Variants in NELL1 observed in about 807,000 individuals in gnomAD.
NELL1 encodes neural EGFL like 1.
In NELL1, 76 loss-of-function variants were observed where a neutral mutation model predicts 107.4. That is an observed-to-expected ratio of 0.71 (90% CI 0.59 to 0.86). The LOEUF (loss-of-function observed/expected upper bound fraction) is 0.86, where lower values mean the gene tolerates loss of function less well. Among genes scored for constraint, NELL1 ranks in the 40% least tolerant of loss-of-function variants. NELL1 has a pLI of 0.00. For missense variants in NELL1, 1,024 were observed against 1,005.5 expected (o/e 1.02, Z -0.25); for synonymous variants, 353 against 341.2 (o/e 1.03, Z -0.38).
intron 12 of NELL1, among the ~76,000 whole-genome samples, chr11:21,072,488 T>C (rs1324528527): frequency 6.6e-6 from 1 of 152,180 alleles, no homozygotes; most frequent in Non-Finnish European, 1.5e-5. Context: ...TAAACATCAA[T>C]AGTTCATTGT....
In NELL1 at chr11:21,484,027, A is replaced by ATATG. The variant is rs1449827725; in HGVS notation, c.1646-50344_1646-50343insGTAT. Among the ~76,000 whole-genome samples the ATATG allele has an allele frequency of 3.2e-5, 4 of 123,090 alleles. No homozygotes were observed. The East Asian group carries it at 8.2e-4, about 25-fold the overall frequency. The allele number at this position is 123,090 out of a possible 152,430, so 80.8% of individuals were successfully genotyped here. ...TATATATATATATATATATATATAT[A>ATATG]TATATGTCAAATGTGACCTCATTAT... On this transcript the variant is annotated intron_variant, in intron 15 of 19. Coordinates refer to ENST00000357134, the MANE Select transcript of NELL1 (RefSeq NM_006157.5).
intron 2 of NELL1, among the ~76,000 whole-genome samples, chr11:20,736,305 G>C (rs1013299527): frequency 1.3e-5 from 2 of 152,170 alleles, no homozygotes; most frequent in Non-Finnish European, 2.9e-5. Flanking sequence ...AAGACAGTTA[G>C]AGCTTCTCCT....
intron 12 of NELL1, among the ~76,000 whole-genome samples, chr11:21,072,274 T>G (rs1854034133): frequency 6.6e-6 from 1 of 152,086 alleles, no homozygotes; most frequent in African/African-American, 2.4e-5. Context: ...TGGCCCGAAA[T>G]AGAATTGCTG....
In NELL1 at chr11:21,273,380, C is replaced by T. The variant is rs556827426; in HGVS notation, c.1549+43926C>T. Among the ~76,000 whole-genome samples, 31 of 152,252 alleles carry T rather than the reference C, an allele frequency of 2.0e-4. 1 individual carries two copies. In the South Asian group the frequency reaches 5.8e-3, roughly 28 times the overall value. On this transcript the variant is annotated intron_variant, in intron 14 of 19. Coordinates refer to ENST00000357134, the MANE Select transcript of NELL1 (RefSeq NM_006157.5). ...AAAGAATAAAAAGAAACGAACAAAG[C>T]CTCCAAGAAATATGGGACTATGTGA...
At chr11:20,825,484 A>C (rs1857861319) in intron 3 of NELL1, among the ~76,000 whole-genome samples, 2 of 151,472 alleles carry the variant, frequency 1.3e-5, no homozygotes, top group African/African-American at 4.8e-5. Context: ...CACCTCTTGC[A>C]TCTGTGTGAC....
chr11:21,192,247 T>C (rs897369068), intron 13 of NELL1, among the ~76,000 whole-genome samples: 3 of 151,900 alleles, frequency 2.0e-5, no homozygotes, highest in African/African-American at 7.3e-5. Context: ...ATCACATATT[T>C]GGCCAGGATA....
intron 2 of NELL1, among the ~76,000 whole-genome samples, chr11:20,715,322 G>A (rs1190532326): frequency 4.4e-5 from 6 of 137,564 alleles, no homozygotes; most frequent in Non-Finnish European, 7.9e-5. Flanking sequence ...TTTTTTTAAA[G>A]AATGATTTCA....
chr11:21,533,708 A>T (rs1339041461), intron 15 of NELL1, among the ~76,000 whole-genome samples: 2 of 152,224 alleles, frequency 1.3e-5, no homozygotes, highest in Non-Finnish European at 2.9e-5. Flanking sequence ...GAAGAATGAG[A>T]ATCTCTGATG....
At chr11:20,910,348 TG>T (rs1331975437) in intron 5 of NELL1, among the ~76,000 whole-genome samples, 1 of 152,180 alleles carries the variant, frequency 6.6e-6, no homozygotes, top group Non-Finnish European at 1.5e-5. Flanking sequence ...ACTTAAGGGA[TG>T]GGGAAACAGA....
chr11:21,560,603 G>A (rs1403920388), intron 17 of NELL1, among the ~76,000 whole-genome samples: 1 of 152,068 alleles, frequency 6.6e-6, no homozygotes, highest in Non-Finnish European at 1.5e-5. Flanking sequence ...GATTGAGAAG[G>A]AACTGCAGGG....
At position 20,794,059 on chromosome 11, in the gene NELL1, C is replaced by T. The variant is rs184745270; in HGVS notation, c.335+10229C>T. The stretch of plus-strand genomic sequence containing the variant: ...CAGTCTGAGAGAAGTAGGTTAATGG[C>T]TCCTATTGTAATTATGTAAGCATCG... On this transcript the variant is annotated intron_variant, in intron 3 of 19. Coordinates refer to ENST00000357134, the MANE Select transcript of NELL1 (RefSeq NM_006157.5). Among the ~76,000 whole-genome samples, 53 of 152,296 alleles carry T rather than the reference C, an allele frequency of 3.5e-4. 1 individual carries two copies. The highest frequency in any genetic ancestry group is 1.3e-3 in the African/African-American group (52 of 41,560).
At chr11:20,930,549 A>T (rs761555110) in intron 9 of NELL1, among the ~76,000 whole-genome samples, 2 of 152,178 alleles carry the variant, frequency 1.3e-5, no homozygotes, top group Non-Finnish European at 2.9e-5. Flanking sequence ...TGTTTTGTAT[A>T]GAAAACACAT....
At chr11:21,354,107 C>G (rs1850875935) in intron 14 of NELL1, among the ~76,000 whole-genome samples, 1 of 152,146 alleles carries the variant, frequency 6.6e-6, no homozygotes, top group African/African-American at 2.4e-5. Context: ...ATAAGTCTTA[C>G]CGCAGTTTCT....
chr11:21,234,129 C>T (rs551557743), intron 14 of NELL1, among the ~76,000 whole-genome samples: 7 of 152,214 alleles, frequency 4.6e-5, no homozygotes, highest in African/African-American at 1.7e-4. Flanking sequence ...AGTTAGGATT[C>T]CTTTGGTTGC....
intron 15 of NELL1, among the ~76,000 whole-genome samples, chr11:21,449,246 G>T (rs1360563569): frequency 6.6e-6 from 1 of 152,088 alleles, no homozygotes; most frequent in Non-Finnish European, 1.5e-5. Context: ...AATTTTAGCT[G>T]TTCTAAGAGA....
intron 14 of NELL1, among the ~76,000 whole-genome samples, chr11:21,351,948 C>T (rs1850826841): frequency 6.6e-6 from 1 of 152,142 alleles, no homozygotes; most frequent in South Asian, 2.1e-4. Flanking sequence ...CGTAGGAGAA[C>T]TGATGCTTTA....
rs145872379 is a variant in NELL1 at position 20,873,306 on chromosome 11, G to C, written c.507-12138G>C. On this transcript the variant is annotated intron_variant, in intron 4 of 19. Coordinates refer to ENST00000357134, the MANE Select transcript of NELL1 (RefSeq NM_006157.5). ...TTAATGCTCCCCTCTCTTCCTATAA[G>C]ATTGTGGCTTTTAAGCACCTCTTTT... Among the ~76,000 whole-genome samples, 1,110 of 152,188 alleles carry C rather than the reference G, an allele frequency of 7.3e-3. 13 individuals are homozygous for C. Among genetic ancestry groups the C allele is most frequent in the African/African-American group, 0.026 (1,059 of 41,506 alleles).
At chr11:21,406,317 C>G (rs983315912) in intron 15 of NELL1, among the ~76,000 whole-genome samples, 5 of 151,878 alleles carry the variant, frequency 3.3e-5, no homozygotes, top group African/African-American at 1.2e-4. Context: ...ATTAATCATA[C>G]TGTCTCTTGA....
Position 21,240,772 on chromosome 11 carries a change from G to A in NELL1, c.1549+11318G>A, listed in dbSNP as rs993925808. 3.4e-5 allele frequency among the ~76,000 whole-genome samples: 5 copies of A among 145,416 alleles called. No homozygotes were observed. In the East Asian group the frequency reaches 8.2e-4, roughly 24 times the overall value. ...CCTTCAAGTGCCTTTCTAGTGGGGG[G>A]GGGGAGGGGGGAGTCTATTGGATGC... is the stretch of plus-strand genomic sequence containing the variant. On this transcript the variant is annotated intron_variant, in intron 14 of 19. Coordinates refer to ENST00000357134, the MANE Select transcript of NELL1 (RefSeq NM_006157.5).
Sources: allele counts gnomAD v4.1 joint callset (sites outside exome capture counted in the v4.1 genomes callset), GRCh38; gene constraint gnomAD v4.1.1; transcripts MANE v1.5; gene names NCBI Gene and HGNC (gene_info 2026-07-23, HGNC 2026-07-21).